The following ZMYM4 variants were observed in gnomAD, a reference collection of about 807,000 sequenced individuals.
The protein encoded by ZMYM4 is zinc finger MYM-type protein 4.
ZMYM4 carries 31 observed loss-of-function variants against 183.2 expected under a neutral mutation model. That is an observed-to-expected ratio of 0.17 (90% CI 0.13 to 0.23). The LOEUF (loss-of-function observed/expected upper bound fraction) is 0.23, where lower values mean the gene tolerates loss of function less well. Among genes scored for constraint, ZMYM4 ranks in the 10% least tolerant of loss-of-function variants. The pLI, the probability that ZMYM4 is intolerant of heterozygous loss-of-function variation, is 1.00. For synonymous variants in ZMYM4, 592 were observed against 631.2 expected (o/e 0.94, Z 0.93); for missense variants, 1,273 against 1,840.3 (o/e 0.69, Z 5.64).
intron 15 of ZMYM4, 70 bp downstream of exon 15, chr1:35,390,168 A>G (rs1644673584): frequency 6.7e-7 from 1 of 1,492,302 alleles, no homozygotes; most frequent in African/African-American, 1.4e-5. Context: ...TTTACAGATC[A>G]GGAACTGTGT....
At chr1:35,355,857 T>A (rs1425054377) in intron 2 of ZMYM4, among the ~76,000 whole-genome samples, 1 of 152,214 alleles carries the variant, frequency 6.6e-6, no homozygotes, top group Non-Finnish European at 1.5e-5. Flanking sequence ...ATCTGTAAAA[T>A]TTTTTGATGT....
At chr1:35,414,330 GA>G (rs956192685) in intron 27 of ZMYM4, among the ~76,000 whole-genome samples, 9 of 152,264 alleles carry the variant, frequency 5.9e-5, no homozygotes, top group African/African-American at 2.2e-4. Context: ...TACCTTTTTA[GA>G]AACCATTTTT....
intron 23 of ZMYM4, 156 bp from the exon 24 acceptor site, chr1:35,404,867 C>G: frequency 7.5e-6 from 5 of 668,452 alleles, no homozygotes; most frequent in Non-Finnish European, 1.2e-5. Context: ...TAAATAATCT[C>G]TAAAGCCCTT....
chr1:35,361,008 G>T (rs1291711458), intron 3 of ZMYM4, among the ~76,000 whole-genome samples, 186 bp from the exon 4 acceptor site: 1 of 151,304 alleles, frequency 6.6e-6, no homozygotes, highest in African/African-American at 2.4e-5. Flanking sequence ...AAAGCTAGGT[G>T]GGGCCAGATT....
At chr1:35,270,429 G>A (rs1213133529) in intron 1 of ZMYM4, among the ~76,000 whole-genome samples, 1 of 152,184 alleles carries the variant, frequency 6.6e-6, no homozygotes, top group Non-Finnish European at 1.5e-5. Context: ...CTTACGGGGA[G>A]CAGTCATACA....
intron 1 of ZMYM4, among the ~76,000 whole-genome samples, chr1:35,288,663 G>C (rs2148709932): frequency 6.6e-6 from 1 of 152,292 alleles, no homozygotes; most frequent in South Asian, 2.1e-4. Context: ...ATTTATATAT[G>C]TATTATGTGT....
chr1:35,334,268 A>ATT (rs1642883255), intron 2 of ZMYM4, among the ~76,000 whole-genome samples: 1 of 152,140 alleles, frequency 6.6e-6, no homozygotes, highest in Non-Finnish European at 1.5e-5. Flanking sequence ...ATAGTGAACT[A>ATT]TGATTATGCC....
chr1:35,397,529 G>T lies in ZMYM4; in HGVS notation c.3183G>T (p.Lys1061Asn). 1 of 1,611,390 alleles carries T rather than the reference G, an allele frequency of 6.2e-7. No homozygotes were observed. Among genetic ancestry groups the T allele is most frequent in the South Asian group, 1.1e-5 (1 of 90,416 alleles). ...TGATTGCAGAAGATGAAGAGAAGAA[G>T]ACTCTATCTCAGGGAGGTTGGTATA... ...AEMIAEDEEK[K>N]TLSQGESQTS... The change falls in exon 20 of 30, where the codon AAG becomes AAT. Residue 1061 changes from lysine (K) to asparagine (N), a missense_variant. This residue lies in a region of ZMYM4 where 290 missense variants were observed against 353.3 expected (regional missense o/e 0.82). Coordinates refer to ENST00000314607, the MANE Select transcript of ZMYM4 (RefSeq NM_005095.3).
At chr1:35,379,690 T>C (rs1049807259) in intron 7 of ZMYM4, among the ~76,000 whole-genome samples, 1 of 152,254 alleles carries the variant, frequency 6.6e-6, no homozygotes, top group Non-Finnish European at 1.5e-5. Flanking sequence ...CATTTCTAGC[T>C]TTTGATTTAT....
intron 1 of ZMYM4, among the ~76,000 whole-genome samples, chr1:35,303,300 A>G (rs1641375399): frequency 1.8e-5 from 1 of 56,308 alleles, no homozygotes. Flanking sequence ...AAAAAAAAAA[A>G]AAAGAAAAGA....
chr1:35,282,442 A>G (rs929716552), intron 1 of ZMYM4, among the ~76,000 whole-genome samples: 2 of 152,210 alleles, frequency 1.3e-5, no homozygotes, highest in African/African-American at 4.8e-5. Flanking sequence ...TCTTTTCTTT[A>G]TAAGTTACTC....
intron 2 of ZMYM4, among the ~76,000 whole-genome samples, chr1:35,332,578 G>A (rs1160177328): frequency 1.3e-5 from 2 of 152,090 alleles, no homozygotes; most frequent in Non-Finnish European, 2.9e-5. Context: ...GCACCTGTAC[G>A]TAGTCTGTTA....
At chr1:35,280,086 TTTCTC>T (rs991154028) in intron 1 of ZMYM4, among the ~76,000 whole-genome samples, 2 of 152,078 alleles carry the variant, frequency 1.3e-5, no homozygotes, top group East Asian at 3.9e-4. Context: ...TACATTTTTT[TTTCTC>T]TCTTTCTCTT....
In ZMYM4 at chr1:35,385,480, A is replaced by T. The variant is rs35661574; in HGVS notation, c.1608A>T (p.Ser536=). The change falls in exon 10 of 30, where the codon TCA becomes TCT. Residue 536 remains serine (S), a synonymous_variant. Transcript: ENST00000314607. ...AKITPCALCK[S]LRSSAEMIEN... is the part of the protein sequence containing the mutation. ...TTACACCGTGTGCGCTTTGCAAATCATTGAGATCCTCAGCAGAAATGATTG... is the reference window on the plus strand; with the variant it reads ...TTACACCGTGTGCGCTTTGCAAATCTTTGAGATCCTCAGCAGAAATGATTG... The T allele has an allele frequency of 9.6e-5, 155 of 1,613,184 alleles. No homozygotes were observed. The African/African-American group carries it at 1.9e-3, about 20-fold the overall frequency.
chr1:35,342,657 T>C lies in ZMYM4; in HGVS notation c.86-16268T>C, dbSNP rs999784010. 4.6e-5 allele frequency among the ~76,000 whole-genome samples: 7 copies of C among 152,060 alleles called. 1 individual carries two copies. The highest frequency in any genetic ancestry group is 3.3e-4 in the Admixed American group (5 of 15,272). On this transcript the variant is annotated intron_variant, in intron 2 of 29. Coordinates refer to ENST00000314607, the MANE Select transcript of ZMYM4 (RefSeq NM_005095.3). The stretch of plus-strand genomic sequence containing the variant: ...TGTTTGTCTTCTTTTTATGAAGTTG[T>C]AAGGATCCTTTTTGTTGTTGTTGTT...
intron 1 of ZMYM4, among the ~76,000 whole-genome samples, chr1:35,304,481 G>T (rs1049500350): frequency 6.7e-6 from 1 of 148,790 alleles, no homozygotes; most frequent in Non-Finnish European, 1.5e-5. Context: ...TCTTTGAGAC[G>T]GGATCTGGCT....
chr1:35,338,159 G>A (rs998385939), intron 2 of ZMYM4, among the ~76,000 whole-genome samples: 4 of 152,112 alleles, frequency 2.6e-5, no homozygotes, highest in African/African-American at 4.8e-5. Flanking sequence ...TGACATGCAG[G>A]CATAGTTTAC....
At chr1:35,289,587 G>GT (rs984624333) in intron 1 of ZMYM4, among the ~76,000 whole-genome samples, 9 of 152,182 alleles carry the variant, frequency 5.9e-5, no homozygotes, top group Non-Finnish European at 7.3e-5. Context: ...AACACCTACA[G>GT]TGTAGTCTGA....
chr1:35,303,309 G>GA (rs57275033), intron 1 of ZMYM4, among the ~76,000 whole-genome samples: 1 of 148,266 alleles, frequency 6.7e-6, no homozygotes, highest in Non-Finnish European at 1.5e-5. Context: ...AAAAAGAAAA[G>GA]AAAAAAAATT....
Sources: allele counts gnomAD v4.1 joint callset (sites outside exome capture counted in the v4.1 genomes callset), GRCh38; gene constraint gnomAD v4.1.1; regional missense constraint gnomAD v4.1.1; transcripts MANE v1.5; gene names NCBI Gene and HGNC (gene_info 2026-07-23, HGNC 2026-07-21).